The following TGFBR3 variants were observed in gnomAD, a reference collection of about 807,000 sequenced individuals.
TGFBR3 encodes the protein transforming growth factor beta receptor 3.
A neutral mutation model predicts 87.9 loss-of-function variants in TGFBR3; 46 were observed. That is an observed-to-expected ratio of 0.52 (90% confidence interval 0.41 to 0.67). TGFBR3 has a LOEUF of 0.67. TGFBR3 is among the 30% of genes least tolerant of loss of function. The probability of loss-of-function intolerance (pLI) is 0.00; values close to 1 mark genes in which losing one functional copy is unlikely to be tolerated. For synonymous variants in TGFBR3, 381 were observed against 391.6 expected, an observed-to-expected ratio of 0.97 and a Z score of 0.32; for missense variants, 866 against 1,041.9, an observed-to-expected ratio of 0.83 and a Z score of 2.32.
At chr1:91,712,671 C>T (rs1672023628) in intron 12 of TGFBR3, 129 bp from the exon 13 acceptor site, 4 of 799,564 alleles carry the variant, frequency 5.0e-6, no homozygotes, top group Admixed American at 4.5e-5. Flanking sequence ...TAGTTATAGC[C>T]TTCTTTCTAA....
intron 4 of TGFBR3, 46 bp downstream of exon 4, chr1:91,758,567 A>G (rs772766365): frequency 1.2e-6 from 2 of 1,610,726 alleles, no homozygotes; most frequent in East Asian, 4.5e-5. Flanking sequence ...AAGGACCATT[A>G]TGTCCTTGTG....
chr1:91,864,773 T>C (rs546767048), intron 1 of TGFBR3, among the ~76,000 whole-genome samples: 52 of 152,338 alleles, frequency 3.4e-4, no homozygotes, highest in African/African-American at 1.2e-3. Flanking sequence ...GTAGCTTTGA[T>C]AAAACTAACG....
chr1:91,699,443 T>C (rs1251671581), intron 14 of TGFBR3, among the ~76,000 whole-genome samples: 1 of 145,962 alleles, frequency 6.9e-6, no homozygotes, highest in Non-Finnish European at 1.5e-5. Context: ...TTTTTTTTTT[T>C]TTTTTTTTTT....
chr1:91,771,290 A>G (rs1674368161), intron 3 of TGFBR3, among the ~76,000 whole-genome samples: 1 of 152,228 alleles, frequency 6.6e-6, no homozygotes, highest in Non-Finnish European at 1.5e-5. Context: ...TGTGGAGATA[A>G]TAAGAATGTT....
intron 1 of TGFBR3, among the ~76,000 whole-genome samples, chr1:91,877,624 A>C (rs1446126029): frequency 6.6e-6 from 1 of 152,252 alleles, no homozygotes; most frequent in Non-Finnish European, 1.5e-5. Context: ...TGAAATAAAG[A>C]TGCCACAAAT....
At position 91,734,905 on chromosome 1, in the gene TGFBR3, C is replaced by T. The variant is rs780636660; in HGVS notation, c.439G>A (p.Glu147Lys). 12 of 1,614,050 alleles carry T rather than the reference C, an allele frequency of 7.4e-6. No homozygotes were observed. The Admixed American group carries it at 1.8e-4, about 25-fold the overall frequency. Residue 147 changes from glutamate (E) to lysine (K), a missense_variant, in exon 5 of 17, where the codon GAA (glutamate) becomes AAA (lysine). By Grantham distance (56) the Glu-to-Lys change is moderately conservative. Coordinates refer to ENST00000212355, the MANE Select transcript of TGFBR3 (RefSeq NM_003243.5). ...TGGGGGAAGTTCCTTTCTTCTGTTTCTGCTGTCAAGGAGAAGTTTGCTGAT... is the reference window on the plus strand; with the variant it reads ...TGGGGGAAGTTCCTTTCTTCTGTTTTTGCTGTCAAGGAGAAGTTTGCTGAT... ...FSSANFSLTAETEERNFPHGN... is the reference protein window; with the variant it reads ...FSSANFSLTAKTEERNFPHGN...
chr1:91,806,046 AAAAT>A (rs1362936595), intron 2 of TGFBR3, among the ~76,000 whole-genome samples: 1 of 152,222 alleles, frequency 6.6e-6, no homozygotes, highest in Non-Finnish European at 1.5e-5. Flanking sequence ...CTACTAAAAT[AAAAT>A]AAACTGCTCG....
At chr1:91,869,034 C>T (rs184667281) in intron 1 of TGFBR3, among the ~76,000 whole-genome samples, 28 of 152,274 alleles carry the variant, frequency 1.8e-4, no homozygotes, top group African/African-American at 6.3e-4. Context: ...CAAGTCCTCA[C>T]CTTCCAAAAG....
At chr1:91,767,445 G>A (rs1674221150) in intron 3 of TGFBR3, among the ~76,000 whole-genome samples, 1 of 133,294 alleles carries the variant, frequency 7.5e-6, no homozygotes, top group African/African-American at 2.8e-5. Context: ...AAAAATCATG[G>A]TGGCAGCAGT....
Position 91,682,629 on chromosome 1 carries a change from C to T in TGFBR3, c.*1110G>A. ...TTGGTGACACTATTCAGATAACCAA[C>T]TGGAGACCGACAGGATTTGCCATGC... On this transcript the variant is annotated 3_prime_UTR_variant, in exon 17 of 17. Coordinates refer to ENST00000212355, the MANE Select transcript of TGFBR3 (RefSeq NM_003243.5). 2.2e-6 allele frequency: 1 copy of T among 453,946 alleles called. No individual in the cohort carries two copies. The highest frequency in any genetic ancestry group is 6.9e-4 in the Middle Eastern group (1 of 1,444). The allele number at this position is 453,946 out of a possible 1,614,324, so 28.1% of individuals were successfully genotyped here.
chr1:91,755,391 A>G (rs561289117), intron 4 of TGFBR3, among the ~76,000 whole-genome samples: 1 of 152,274 alleles, frequency 6.6e-6, no homozygotes, highest in South Asian at 2.1e-4. Context: ...GAGAACGTGA[A>G]TGAACAACAG....
chr1:91,705,291 C>G (rs1019682714), intron 14 of TGFBR3, among the ~76,000 whole-genome samples: 1 of 147,086 alleles, frequency 6.8e-6, no homozygotes, highest in Non-Finnish European at 1.5e-5. Flanking sequence ...GTGGCGCGAT[C>G]TTGGCTCACT....
intron 2 of TGFBR3, among the ~76,000 whole-genome samples, chr1:91,801,993 G>T (rs959458604): frequency 6.6e-6 from 1 of 152,184 alleles, no homozygotes; most frequent in African/African-American, 2.4e-5. Context: ...AAGTCCCTGT[G>T]AAAACACCCA....
chr1:91,758,929 A>T (rs1290488278), intron 3 of TGFBR3, among the ~76,000 whole-genome samples, 179 bp from the exon 4 acceptor site: 2 of 152,186 alleles, frequency 1.3e-5, no homozygotes, highest in African/African-American at 4.8e-5. Flanking sequence ...CCAATATTTG[A>T]CCATTTTTTA....
intron 1 of TGFBR3, among the ~76,000 whole-genome samples, chr1:91,864,471 T>C (rs1371884632): frequency 1.3e-5 from 2 of 152,254 alleles, no homozygotes; most frequent in East Asian, 3.8e-4. Context: ...CCTGGACAAG[T>C]TGAAACTACA....
chr1:91,791,949 G>C (rs1286835231), intron 3 of TGFBR3, among the ~76,000 whole-genome samples: 3 of 152,168 alleles, frequency 2.0e-5, no homozygotes, highest in Non-Finnish European at 4.4e-5. Flanking sequence ...GAGGCAAGTC[G>C]AGCAGTTAGC....
chr1:91,828,720 G>C (rs2101079686), intron 2 of TGFBR3, among the ~76,000 whole-genome samples: 1 of 152,256 alleles, frequency 6.6e-6, no homozygotes, highest in Non-Finnish European at 1.5e-5. Flanking sequence ...GGAGTGAAAG[G>C]CTGCTGGGGT....
At chr1:91,788,856 TAAC>T (rs1447708311) in intron 3 of TGFBR3, among the ~76,000 whole-genome samples, 2 of 152,230 alleles carry the variant, frequency 1.3e-5, no homozygotes, top group African/African-American at 4.8e-5. Context: ...AAACATTGTC[TAAC>T]AACACTTTCA....
At chr1:91,758,013 G>A (rs1557695380) in intron 4 of TGFBR3, among the ~76,000 whole-genome samples, 4 of 152,156 alleles carry the variant, frequency 2.6e-5, no homozygotes, top group Admixed American at 2.6e-4. Flanking sequence ...ACAACCCATC[G>A]ATTTCTCCAC....
Sources: allele counts gnomAD v4.1 joint callset (sites outside exome capture counted in the v4.1 genomes callset), GRCh38; gene constraint gnomAD v4.1.1; transcripts MANE v1.5; gene names NCBI Gene and HGNC (gene_info 2026-07-23, HGNC 2026-07-21).